Variants in PPP6R2 observed in about 807,000 individuals in gnomAD.
The protein encoded by PPP6R2 is serine/threonine-protein phosphatase 6 regulatory subunit 2.
PPP6R2 carries 62 observed loss-of-function variants against 100.2 expected under a neutral mutation model. That is an observed-to-expected ratio of 0.62 (90% confidence interval 0.50 to 0.76). The LOEUF (loss-of-function observed/expected upper bound fraction) is 0.76, where lower values mean the gene tolerates loss of function less well. Among genes scored for constraint, PPP6R2 ranks in the 30% least tolerant of loss-of-function variants. The probability of loss-of-function intolerance (pLI) is 0.00; values close to 1 mark genes in which losing one functional copy is unlikely to be tolerated. For missense variants in PPP6R2, 1,142 were observed against 1,276.3 expected (o/e 0.89, Z 1.60); for synonymous variants, 525 against 514.7 (o/e 1.02, Z -0.27).
intron 2 of PPP6R2, among the ~76,000 whole-genome samples, chr22:50,384,470 G>T (rs979329720): frequency 2.0e-5 from 3 of 152,074 alleles, no homozygotes; most frequent in Admixed American, 2.0e-4. Flanking sequence ...CAGGAGAATC[G>T]CTTGAACTTG....
At chr22:50,337,936 GCAT>G in the PPP6R2 span, among the ~76,000 whole-genome samples, 1 of 138,762 alleles carries the variant, frequency 7.2e-6, no homozygotes, top group Non-Finnish European at 1.6e-5. Flanking sequence ...TGGGGTGTGT[GCAT>G]GTGTGTGTGA....
At chr22:50,401,247 G>A (rs1017821801) in intron 3 of PPP6R2, among the ~76,000 whole-genome samples, 10 of 151,620 alleles carry the variant, frequency 6.6e-5, no homozygotes, top group Admixed American at 1.3e-4. Context: ...TGGCTCTGTC[G>A]CCCAGGCTGG....
Position 50,439,681 on chromosome 22 carries a change from CT to C in PPP6R2, c.2129-19del, listed in dbSNP as rs1389802043. On this transcript the variant is annotated intron_variant, in intron 19 of 23. Coordinates refer to ENST00000612753, the MANE Select transcript of PPP6R2 (RefSeq NM_001242898.2). The stretch of plus-strand genomic sequence containing the variant: ...CCCCAGGCCTGCCCACGCCTGACCA[CT>C]GTGTCTCTCCCCCAGCAGGCGCCAT... 1 of 1,555,098 alleles carries C rather than the reference CT, an allele frequency of 6.4e-7. No individual in the cohort carries two copies. The highest frequency in any genetic ancestry group is 8.7e-7 in the Non-Finnish European group (1 of 1,147,872).
chr22:50,397,568 C>CTTGT (rs2057193655), intron 3 of PPP6R2, among the ~76,000 whole-genome samples: 1 of 142,866 alleles, frequency 7.0e-6, no homozygotes, highest in Non-Finnish European at 1.5e-5. Context: ...CCTCACCAGC[C>CTTGT]CTGTCATCTC....
chr22:50,444,731 C>CCTGA lies in PPP6R2; in HGVS notation c.*487_*490dup, dbSNP rs955406658. The CCTGA allele has an allele frequency of 1.7e-5, 3 of 172,260 alleles. No individual in the cohort carries two copies. The highest frequency in any genetic ancestry group is 4.8e-5 in the African/African-American group (2 of 41,576). The allele number at this position is 172,260 out of a possible 1,614,324, so 10.7% of individuals were successfully genotyped here. The stretch of plus-strand genomic sequence containing the variant: ...GAGTCAAGGGCCTGGGTTGGAAAAA[C>CCTGA]CTGACTCACAGGAATGCATAATTGA... On this transcript the variant is annotated 3_prime_UTR_variant, in exon 24 of 24. Transcript: ENST00000612753.
At chr22:50,403,845 C>T (rs751577763) in intron 3 of PPP6R2, among the ~76,000 whole-genome samples, 1 of 152,164 alleles carries the variant, frequency 6.6e-6, no homozygotes, top group African/African-American at 2.4e-5. Flanking sequence ...GAGATCATTG[C>T]GTTTCTTCCC....
At chr22:50,338,764 AGT>A (rs1327414240), upstream of PPP6R2, among the ~76,000 whole-genome samples, 2 of 75,910 alleles carry the variant, frequency 2.6e-5, no homozygotes, top group South Asian at 4.6e-4. Flanking sequence ...TGTGGTAGGT[AGT>A]GTGTGTGGTA....
chr22:50,411,283 G>A (rs1036829303), intron 4 of PPP6R2, among the ~76,000 whole-genome samples: 3 of 151,890 alleles, frequency 2.0e-5, no homozygotes, highest in African/African-American at 2.4e-5. Flanking sequence ...CCGAAACCCC[G>A]TCTCTACTAA....
chr22:50,336,500 C>A, the PPP6R2 span, among the ~76,000 whole-genome samples: 1 of 152,138 alleles, frequency 6.6e-6, no homozygotes, highest in Non-Finnish European at 1.5e-5. Context: ...CTCAGCCTCC[C>A]AAGTAGCTGG....
At chr22:50,419,952 C>A (rs2061091579) in intron 8 of PPP6R2, among the ~76,000 whole-genome samples, 1 of 152,188 alleles carries the variant, frequency 6.6e-6, no homozygotes, top group African/African-American at 2.4e-5. Flanking sequence ...GAGCGTCGTG[C>A]TGAGCACTTT....
Position 50,393,971 on chromosome 22 carries a change from T to A in PPP6R2, c.63T>A (p.His21Gln). 6.2e-7 allele frequency: 1 copy of A among 1,614,162 alleles called. No individual in the cohort carries two copies. The highest frequency in any genetic ancestry group is 8.5e-7 in the Non-Finnish European group (1 of 1,180,026). ...TTGACAAGCTGCTGGACAAGGAGCA[T>A]GTGACGCTGCAGGAGTTAATGGATG... ...SHVDKLLDKE[H>Q]VTLQELMDED... The change falls in exon 3 of 24, where the codon CAT becomes CAA. Residue 21 changes from histidine (H) to glutamine (Q), a missense_variant. By Grantham distance (24) the His-to-Gln change is conservative. This residue lies in a region of PPP6R2 where 592 missense variants were observed against 758.9 expected (regional missense o/e 0.78). Coordinates refer to ENST00000612753, the MANE Select transcript of PPP6R2 (RefSeq NM_001242898.2).
At chr22:50,427,921 CA>C (rs1229134212) in intron 10 of PPP6R2, among the ~76,000 whole-genome samples, 1 of 152,222 alleles carries the variant, frequency 6.6e-6, no homozygotes, top group Non-Finnish European at 1.5e-5. Flanking sequence ...AGGGTTTCAC[CA>C]TATTAGCCAG....
chr22:50,410,166 A>G (rs1454516523), intron 4 of PPP6R2, among the ~76,000 whole-genome samples: 2 of 152,048 alleles, frequency 1.3e-5, no homozygotes, highest in Non-Finnish European at 1.5e-5. Context: ...CTGCCCCCCA[A>G]AAATAAACCT....
intron 2 of PPP6R2, among the ~76,000 whole-genome samples, chr22:50,372,550 A>G (rs1405152810): frequency 6.6e-6 from 1 of 151,924 alleles, no homozygotes; most frequent in African/African-American, 2.4e-5. Context: ...CTCTGTTTCA[A>G]AACAAAACAA....
intron 2 of PPP6R2, among the ~76,000 whole-genome samples, chr22:50,389,389 A>G (rs145596226): frequency 1.3e-5 from 2 of 152,306 alleles, no homozygotes; most frequent in Non-Finnish European, 2.9e-5. Flanking sequence ...GATAGGGTGT[A>G]GTTGTGCAGA....
At chr22:50,418,541 C>T (rs949722762) in intron 6 of PPP6R2, among the ~76,000 whole-genome samples, 2 of 152,040 alleles carry the variant, frequency 1.3e-5, no homozygotes, top group Admixed American at 6.5e-5. Context: ...CACCCGCCAC[C>T]ACGCCCGGCT....
chr22:50,388,393 C>A (rs1440222547), intron 2 of PPP6R2, among the ~76,000 whole-genome samples: 48 of 126,414 alleles, frequency 3.8e-4, no homozygotes, highest in Admixed American at 7.7e-4. Context: ...GACCCTATCT[C>A]AAAAAAAAAA....
rs2060480071 is a variant in PPP6R2, at chr22:50,416,018, A to C, written c.553-74A>C. On this transcript the variant is annotated intron_variant, in intron 5 of 23. Transcript: ENST00000612753. ...TTCTAGAAAACGGGTGCAGTGCTGC[A>C]CCAAAGGGGAAAGGTTCCTGTTGTT... 4 of 1,399,518 alleles carry C rather than the reference A, an allele frequency of 2.9e-6. No homozygotes were observed. In the East Asian group the frequency reaches 9.2e-5, roughly 32 times the overall value. The allele number at this position is 1,399,518 out of a possible 1,614,324, so 86.7% of individuals were successfully genotyped here. A position where few individuals can be genotyped will look rare whatever the true frequency, so the allele number is the denominator to read the frequency against.
At chr22:50,374,116 C>G (rs934104247) in intron 2 of PPP6R2, among the ~76,000 whole-genome samples, 1 of 152,092 alleles carries the variant, frequency 6.6e-6, no homozygotes, top group Non-Finnish European at 1.5e-5. Flanking sequence ...ACTCCTGGGC[C>G]GAAGTGATCC....
Sources: allele counts gnomAD v4.1 joint callset (sites outside exome capture counted in the v4.1 genomes callset), GRCh38; gene constraint gnomAD v4.1.1; regional missense constraint gnomAD v4.1.1; transcripts MANE v1.5; gene names NCBI Gene and HGNC (gene_info 2026-07-23, HGNC 2026-07-21).